TLK2: variants seen among roughly 807,000 people sequenced by gnomAD.
The protein encoded by TLK2 is serine/threonine-protein kinase tousled-like 2.
In TLK2, 6 loss-of-function variants were observed where a neutral mutation model predicts 117.3. That is an observed-to-expected ratio of 0.05 (90% CI 0.03 to 0.10). The LOEUF is 0.10. Among genes scored for constraint, TLK2 ranks in the 10% least tolerant of loss-of-function variants. The pLI is 1.00. For synonymous variants in TLK2, 257 were observed against 316.7 expected, an observed-to-expected ratio of 0.81 and a Z score of 2.00; for missense variants, 299 against 901.2, an observed-to-expected ratio of 0.33 and a Z score of 8.56.
upstream of TLK2, chr17:62,478,002 A>C (rs1172365483): frequency 2.6e-5 from 4 of 152,248 alleles, no homozygotes; most frequent in Non-Finnish European, 5.9e-5. Flanking sequence ...CTCCTTCCGG[A>C]GGGCAGCATC....
chr17:62,526,515 A>G (rs1258700110), intron 6 of TLK2, among the ~76,000 whole-genome samples: 4 of 152,198 alleles, frequency 2.6e-5, no homozygotes, highest in Admixed American at 6.5e-5. Context: ...TGCCTTTGAG[A>G]TGAATGAACT....
intron 1 of TLK2, among the ~76,000 whole-genome samples, chr17:62,473,522 C>T (rs1201122549): frequency 6.6e-6 from 1 of 152,146 alleles, no homozygotes; most frequent in Non-Finnish European, 1.5e-5. Context: ...GTTTCCAGAC[C>T]ATCATCAACC....
intron 7 of TLK2, among the ~76,000 whole-genome samples, chr17:62,542,264 AAAT>A (rs2077588433): frequency 6.6e-6 from 1 of 152,188 alleles, no homozygotes; most frequent in Non-Finnish European, 1.5e-5. Flanking sequence ...TTTTAATGTC[AAAT>A]AATGTGTTCC....
intron 6 of TLK2, among the ~76,000 whole-genome samples, chr17:62,526,985 A>G (rs2076405164): frequency 6.6e-6 from 1 of 152,154 alleles, no homozygotes; most frequent in South Asian, 2.1e-4. Context: ...CTCCTGCGTG[A>G]TCTGTGCTTC....
At chr17:62,585,465 G>A (rs2081543693) in intron 15 of TLK2, 1 of 152,326 alleles carries the variant, frequency 6.6e-6, no homozygotes, top group African/African-American at 2.4e-5. Context: ...TTGAACCCGA[G>A]AGACAGAGGT....
intron 11 of TLK2, 110 bp downstream of exon 11, chr17:62,565,247 G>T: frequency 3.7e-6 from 5 of 1,354,830 alleles, no homozygotes; most frequent in African/African-American, 1.5e-5. Context: ...CATCTTTTCA[G>T]TTAGTTTTTT....
At chr17:62,479,605 C>G (rs2071372234) in intron 1 of TLK2, among the ~76,000 whole-genome samples, 1 of 152,128 alleles carries the variant, frequency 6.6e-6, no homozygotes, top group Non-Finnish European at 1.5e-5. Flanking sequence ...CTCCCTTCCT[C>G]CGTGACAGGT....
intron 16 of TLK2, among the ~76,000 whole-genome samples, chr17:62,593,852 G>A (rs2082261810): frequency 1.3e-5 from 2 of 149,620 alleles, no homozygotes; most frequent in African/African-American, 4.9e-5. Flanking sequence ...GAGTGCAGTG[G>A]TGTTATCTCA....
At chr17:62,588,569 A>G (rs930158234) in intron 16 of TLK2, among the ~76,000 whole-genome samples, 3 of 152,102 alleles carry the variant, frequency 2.0e-5, no homozygotes, top group Admixed American at 6.5e-5. Context: ...AGGAGGGGGC[A>G]TTTCCTATTT....
intron 2 of TLK2, among the ~76,000 whole-genome samples, chr17:62,486,950 C>A (rs1049111876): frequency 3.3e-5 from 5 of 152,208 alleles, no homozygotes; most frequent in African/African-American, 1.2e-4. Context: ...CAATAACTTA[C>A]ACTTGTGTTG....
chr17:62,556,551 C>T (rs1185779957), intron 9 of TLK2, among the ~76,000 whole-genome samples: 1 of 152,154 alleles, frequency 6.6e-6, no homozygotes, highest in Non-Finnish European at 1.5e-5. Context: ...TTGTTCTATT[C>T]GTTCTGCCTC....
chr17:62,592,924 G>A (rs1246661862), intron 16 of TLK2, among the ~76,000 whole-genome samples: 2 of 152,126 alleles, frequency 1.3e-5, no homozygotes, highest in Non-Finnish European at 2.9e-5. Context: ...TAGATCCCTG[G>A]TGTGCACAGT....
At chr17:62,516,755 T>C in intron 2 of TLK2, 1 of 1,569,760 alleles carries the variant, frequency 6.4e-7, no homozygotes. Context: ...CAGTTCTTCT[T>C]AGGCATCAAC....
At chr17:62,591,292 G>A (rs1314167677) in intron 16 of TLK2, among the ~76,000 whole-genome samples, 4 of 151,666 alleles carry the variant, frequency 2.6e-5, no homozygotes. Flanking sequence ...TAGCCCTTCT[G>A]TAAAATATGA....
intron 2 of TLK2, among the ~76,000 whole-genome samples, chr17:62,481,902 C>G (rs147774835): frequency 6.6e-6 from 1 of 151,962 alleles, no homozygotes; most frequent in African/African-American, 2.4e-5. Flanking sequence ...TTTATTGGTC[C>G]AAGATCATAT....
At chr17:62,513,285 CT>C (rs1325034017) in intron 2 of TLK2, among the ~76,000 whole-genome samples, 1 of 106,096 alleles carries the variant, frequency 9.4e-6, no homozygotes, top group African/African-American at 3.6e-5. Context: ...TTAAAAGTCT[CT>C]TTTTTTCAAT....
At chr17:62,546,344 G>T (rs377048069) in intron 7 of TLK2, among the ~76,000 whole-genome samples, 384 of 23,236 alleles carry the variant, frequency 0.017, 10 homozygotes, top group Middle Eastern at 0.11. Flanking sequence ...TTTGTTGATT[G>T]TTTTTTTTTT....
chr17:62,519,205 G>A (rs1170254287), intron 2 of TLK2, among the ~76,000 whole-genome samples: 1 of 152,178 alleles, frequency 6.6e-6, no homozygotes, highest in Non-Finnish European at 1.5e-5. Context: ...TAATTTTTAT[G>A]TTGATGTGAA....
At chr17:62,506,946 A>G (rs191400453) in intron 2 of TLK2, among the ~76,000 whole-genome samples, 1 of 152,314 alleles carries the variant, frequency 6.6e-6, no homozygotes, top group Admixed American at 6.5e-5. Flanking sequence ...GAATGTTTGC[A>G]TACTTTTATA....
Sources: gnomAD v4.1 joint callset for allele counts (sites outside exome capture counted in the v4.1 genomes callset) on GRCh38, gnomAD v4.1.1 for gene constraint, MANE v1.5 for transcripts, NCBI Gene and HGNC (gene_info 2026-07-23, HGNC 2026-07-21) for gene names.